The following CHADL variants were observed in gnomAD, a reference collection of about 807,000 sequenced individuals.
CHADL encodes the protein chondroadherin-like protein.
In CHADL, 48 loss-of-function variants were observed where a neutral mutation model predicts 52.1. The ratio of observed to expected loss-of-function variants is 0.92; its 90% CI spans 0.73 to 1.17. CHADL has a LOEUF of 1.17. CHADL is among the 50% of genes most tolerant of loss of function. The probability of loss-of-function intolerance (pLI) is 0.00; values close to 1 mark genes in which losing one functional copy is unlikely to be tolerated. For missense variants in CHADL, 977 were observed against 1,035.1 expected (o/e 0.94, Z 0.77); for synonymous variants, 498 against 511.2 (o/e 0.97, Z 0.35).
chr22:41,230,236 G>A lies in CHADL; in HGVS notation c.2263-506C>T, dbSNP rs111312420. On this transcript the variant is annotated intron_variant, in intron 5 of 5. Coordinates refer to ENST00000216241, the MANE Select transcript of CHADL (RefSeq NM_138481.2). ...CTGTCTCCGTCGAGAACATCAAGCA[G>A]GAAACAGACGACTGAGCCTTCCTGC... 6.5e-5 allele frequency: 105 copies of A among 1,613,632 alleles called. 6 individuals carry two copies. In the African/African-American group the frequency reaches 7.6e-4, roughly 12 times the overall value.
chr22:41,237,751 G>A lies in CHADL; in HGVS notation c.1321C>T (p.Pro441Ser), dbSNP rs909520760. The A allele has an allele frequency of 1.3e-6, 2 of 1,539,028 alleles. No homozygotes were observed. The highest frequency in any genetic ancestry group is 1.4e-5 in the African/African-American group (1 of 72,724). The change falls in exon 3 of 6, where the codon CCC becomes TCC. Residue 441 changes from proline (P) to serine (S), a missense_variant. Transcript: ENST00000216241. ...CCCAGGCCGGGGAAGGCCGCTCGGG[G>A]CACCGAGGGGAAGTGGTTCCGCCTC... ...DLRRNHFPSV[P>S]RAAFPGLGHL...
chr22:41,239,543 G>T lies in CHADL; in HGVS notation c.86C>A (p.Ala29Asp). The T allele has an allele frequency of 1.3e-6, 2 of 1,548,650 alleles. No individual in the cohort carries two copies. Among genetic ancestry groups the T allele is most frequent in the Non-Finnish European group, 1.7e-6 (2 of 1,146,118 alleles). ...LLLLAPARQAAAQRCPQACIC... is the reference protein window; with the variant it reads ...LLLLAPARQADAQRCPQACIC... Reference sequence around the variant, plus strand: ...GCAGGCCTGTGGGCAGCGCTGGGCGGCGGCCTGCCTAGCCGGGGCCAGCAG... The same window carrying T: ...GCAGGCCTGTGGGCAGCGCTGGGCGTCGGCCTGCCTAGCCGGGGCCAGCAG... Residue 29 changes from alanine (A) to aspartate (D), a missense_variant, in exon 2 of 6, where the codon GCC becomes GAC. Transcript: ENST00000216241.
intron 5 of CHADL, chr22:41,230,712 A>G (rs2032543003): frequency 6.4e-6 from 1 of 157,274 alleles, no homozygotes; most frequent in African/African-American, 2.4e-5. Context: ...GTCCCCTGAC[A>G]GTGAGTTGTG....
At chr22:41,229,860 C>T (rs555088788) in intron 5 of CHADL, 130 bp from the exon 6 acceptor site, 7 of 847,010 alleles carry the variant, frequency 8.3e-6, no homozygotes, top group African/African-American at 3.3e-5. Flanking sequence ...CCCTCTAGCC[C>T]GGCCCCGGCC....
intron 3 of CHADL, 63 bp from the exon 4 acceptor site, chr22:41,236,713 GA>G: frequency 6.9e-7 from 1 of 1,441,022 alleles, no homozygotes; most frequent in Non-Finnish European, 9.3e-7. Flanking sequence ...CCCAAGTCTG[GA>G]AGGGAGCCCC....
chr22:41,231,917 C>T (rs2032603848), intron 5 of CHADL, among the ~76,000 whole-genome samples: 1 of 152,156 alleles, frequency 6.6e-6, no homozygotes, highest in African/African-American at 2.4e-5. Flanking sequence ...GTATCAAGAG[C>T]CCCTACCCAG....
Position 41,239,579 on chromosome 22 carries a change from A to G in CHADL, c.50T>C (p.Leu17Pro). ...AGCCGGGGCCAGCAGCAGAAGTACAAGAAGCGGCAGCACCAAGGGGACATG... is the reference window on the plus strand; with the variant it reads ...AGCCGGGGCCAGCAGCAGAAGTACAGGAAGCGGCAGCACCAAGGGGACATG... ...STHVPLVLPL[L>P]VLLLLAPARQ... is the part of the protein sequence containing the mutation. The change falls in exon 2 of 6, where the codon CTT becomes CCT. Residue 17 changes from leucine (L) to proline (P), a missense_variant. Physicochemically the swap from Leu to Pro is moderately conservative, Grantham distance 98. Coordinates refer to ENST00000216241, the MANE Select transcript of CHADL (RefSeq NM_138481.2). 3 of 1,547,302 alleles carry G rather than the reference A, an allele frequency of 1.9e-6. No homozygotes were observed. Among genetic ancestry groups the G allele is most frequent in the Non-Finnish European group, 2.6e-6 (3 of 1,145,234 alleles).
At chr22:41,230,196 C>T in intron 5 of CHADL, 1 of 1,601,060 alleles carries the variant, frequency 6.2e-7, no homozygotes, top group East Asian at 2.3e-5. Context: ...GACAAGGCTT[C>T]AAGTCCAGAG....
intron 5 of CHADL, among the ~76,000 whole-genome samples, chr22:41,232,160 G>A (rs534694824): frequency 5.7e-4 from 87 of 151,810 alleles, no homozygotes; most frequent in Admixed American, 1.8e-3. Context: ...ATGAAACCCT[G>A]TCTCTACTAA....
rs2032789372 is a variant in CHADL, at chr22:41,238,312, G to A, written c.760C>T (p.Pro254Ser). 3 of 1,527,246 alleles carry A rather than the reference G, an allele frequency of 2.0e-6. No individual in the cohort carries two copies. The highest frequency in any genetic ancestry group is 2.6e-6 in the Non-Finnish European group (3 of 1,143,376). 94.6% of individuals were successfully genotyped at this position (1,527,246 alleles called of 1,614,324 possible). The part of the protein sequence containing the change: ...YAGEEDGLAL[P>S]GLRELLLDGG... ...TCCAGCAGCAGCTCCCGCAGGCCGG[G>A]CAGCGCCAGCCCGTCCTCCTCGCCC... Residue 254 changes from proline (P) to serine (S), a missense_variant, in exon 3 of 6, where the codon CCC (proline) becomes TCC (serine). Physicochemically the swap from Pro to Ser is moderately conservative, Grantham distance 74. Transcript: ENST00000216241. The surrounding 1 kb of genome is among the most constrained non-coding windows in gnomAD (Gnocchi z 4.9).
At chr22:41,235,071 C>A in intron 5 of CHADL, 74 bp downstream of exon 5, 1 of 1,445,682 alleles carries the variant, frequency 6.9e-7, no homozygotes, top group Non-Finnish European at 9.4e-7. Context: ...CCAAGTCAGG[C>A]TCCTGCTTCC....
intron 5 of CHADL, chr22:41,230,569 C>T (rs1436763789): frequency 1.4e-5 from 5 of 355,910 alleles, no homozygotes; most frequent in African/African-American, 2.1e-5. Context: ...GGCCTCCCCC[C>T]GACCCGCCAC....
chr22:41,232,623 A>C (rs1253172333), intron 5 of CHADL, among the ~76,000 whole-genome samples: 1 of 152,196 alleles, frequency 6.6e-6, no homozygotes. Flanking sequence ...ACTTTCATCA[A>C]AATAACCCAC....
intron 4 of CHADL, among the ~76,000 whole-genome samples, chr22:41,235,763 C>T (rs1177479008): frequency 1.3e-5 from 2 of 152,180 alleles, no homozygotes; most frequent in Non-Finnish European, 2.9e-5. Flanking sequence ...GATACTACAT[C>T]CCCCCTTTTT....
chr22:41,229,761 T>A, intron 5 of CHADL, 31 bp from the exon 6 acceptor site: 1 of 1,590,534 alleles, frequency 6.3e-7, no homozygotes, highest in South Asian at 1.1e-5. Context: ...TCAGGTTTCT[T>A]TGGCATTTTC....
chr22:41,235,065 G>GT, intron 5 of CHADL, 80 bp downstream of exon 5: 1 of 1,421,302 alleles, frequency 7.0e-7, no homozygotes, highest in Non-Finnish European at 9.6e-7. Flanking sequence ...ACCAAGCCAA[G>GT]TCAGGCTCCT....
In CHADL at chr22:41,237,662, G is replaced by T; in HGVS notation, c.1410C>A (p.Ala470=). The part of the protein sequence containing the change: ...GIAELEAGAL[A]GLGRLIYLYL... ...ACAGGTAGATCAGGCGGCCCAGCCC[G>T]GCCAGGGCGCCCGCTTCCAGCTCCG... Residue 470 remains alanine, a synonymous_variant, in exon 3 of 6, where the codon GCC becomes GCA. Coordinates refer to ENST00000216241, the MANE Select transcript of CHADL (RefSeq NM_138481.2). 2 of 1,543,948 alleles carry T rather than the reference G, an allele frequency of 1.3e-6. No homozygotes were observed. Among genetic ancestry groups the T allele is most frequent in the Non-Finnish European group, 1.8e-6 (2 of 1,142,480 alleles).
chr22:41,230,422 C>T (rs1356330095), intron 5 of CHADL: 7 of 602,438 alleles, frequency 1.2e-5, no homozygotes, highest in South Asian at 4.0e-5. Flanking sequence ...TCCTGGGACC[C>T]GCCTGTTGCT....
In CHADL at chr22:41,237,755, C is replaced by G. The variant is rs1398360784; in HGVS notation, c.1317G>C (p.Ser439=). The G allele has an allele frequency of 1.3e-6, 2 of 1,538,870 alleles. No homozygotes were observed. The highest frequency in any genetic ancestry group is 1.4e-5 in the African/African-American group (1 of 72,850). ...GGCCGGGGAAGGCCGCTCGGGGCAC[C>G]GAGGGGAAGTGGTTCCGCCTCAGGT... The part of the protein sequence containing the change: ...LLDLRRNHFP[S]VPRAAFPGLG... Residue 439 remains serine, a synonymous_variant, in exon 3 of 6, where the codon TCG becomes TCC. Coordinates refer to ENST00000216241, the MANE Select transcript of CHADL (RefSeq NM_138481.2).
Sources: gnomAD v4.1 joint callset for allele counts (sites outside exome capture counted in the v4.1 genomes callset) on GRCh38, gnomAD v4.1.1 for gene constraint, Gnocchi (gnomAD v3.1) non-coding constraint, MANE v1.5 for transcripts, NCBI Gene and HGNC (gene_info 2026-07-23, HGNC 2026-07-21) for gene names.